BAZ2A: variants seen among roughly 807,000 people sequenced by gnomAD.
The protein encoded by BAZ2A is bromodomain adjacent to zinc finger domain protein 2A.
A neutral mutation model predicts 199.9 loss-of-function variants in BAZ2A; 34 were observed. That is an observed-to-expected ratio of 0.17 (90% CI 0.13 to 0.23). BAZ2A has a LOEUF of 0.23. BAZ2A is among the 10% of genes least tolerant of loss of function. The probability of loss-of-function intolerance (pLI) is 1.00; values close to 1 mark genes in which losing one functional copy is unlikely to be tolerated. For missense variants in BAZ2A, 2,002 were observed against 2,391.1 expected, an observed-to-expected ratio of 0.84 and a Z score of 3.39; for synonymous variants, 857 against 883.9, an observed-to-expected ratio of 0.97 and a Z score of 0.54.
In BAZ2A at chr12:56,611,834, A is replaced by G. The variant is rs760370936; in HGVS notation, c.1548T>C (p.Phe516=). Reference sequence around the variant, plus strand: ...CTTCCACGTCAGCAGTGGTTTCTAGAAAGCTGCTGACATCCTTATTTGCTG... The same window carrying G: ...CTTCCACGTCAGCAGTGGTTTCTAGGAAGCTGCTGACATCCTTATTTGCTG... ...ASPANKDVSS[F]LETTADVEEI... Residue 516 remains phenylalanine (F), a synonymous_variant, in exon 6 of 29, where the codon TTT becomes TTC. Coordinates refer to ENST00000549884, the MANE Select transcript of BAZ2A (RefSeq NM_001300905.2). 1.9e-6 allele frequency: 3 copies of G among 1,583,508 alleles called. No individual in the cohort carries two copies. The African/African-American group carries it at 4.1e-5, about 22-fold the overall frequency.
chr12:56,598,836 A>G, intron 28 of BAZ2A, 32 bp downstream of exon 28: 1 of 1,608,552 alleles, frequency 6.2e-7, no homozygotes, highest in South Asian at 1.1e-5. Flanking sequence ...CAGCAGTAGC[A>G]AAGACCGGGC....
chr12:56,625,154 C>CTTTTTT (rs1002458672), intron 1 of BAZ2A, among the ~76,000 whole-genome samples: 1 of 108,108 alleles, frequency 9.3e-6, no homozygotes, highest in Non-Finnish European at 1.8e-5. Flanking sequence ...CTTAGAATTT[C>CTTTTTT]TTTTTTTTTT....
At position 56,598,854 on chromosome 12, in the gene BAZ2A, C is replaced by T. The variant is rs746735554; in HGVS notation, c.5546+14G>A. ...CAGTAGCAAAGACCGGGCGGTTCAC[C>T]CACATCTACTTACCCTCCCCTGAGC... is the stretch of plus-strand genomic sequence containing the variant. On this transcript the variant is annotated intron_variant, in intron 28 of 28. Transcript: ENST00000549884. The T allele has an allele frequency of 6.2e-7, 1 of 1,606,636 alleles. No individual in the cohort carries two copies. Among genetic ancestry groups the T allele is most frequent in the South Asian group, 1.1e-5 (1 of 89,970 alleles).
At chr12:56,633,466 G>A (rs117900339), upstream of BAZ2A, among the ~76,000 whole-genome samples, 24 of 152,284 alleles carry the variant, frequency 1.6e-4, no homozygotes, top group East Asian at 3.7e-3. Context: ...AGCTAGGGGC[G>A]CAGCTGGACT....
chr12:56,636,422 G>T, upstream of BAZ2A: 1 of 1,345,608 alleles, frequency 7.4e-7, no homozygotes, highest in Non-Finnish European at 9.7e-7. Context: ...TTCTCTGGGT[G>T]GAGAGAGGGA....
At position 56,614,116 on chromosome 12, in the gene BAZ2A, A is replaced by ATTG. The variant is rs746698144; in HGVS notation, c.750_752dup (p.Asn251dup). 2 of 1,613,920 alleles carry ATTG rather than the reference A, an allele frequency of 1.2e-6. No individual in the cohort carries two copies. The highest frequency in any genetic ancestry group is 4.5e-5 in the East Asian group (2 of 44,886). On this transcript the variant is annotated inframe_insertion, in exon 4 of 29. Transcript: ENST00000549884. ...ACGATTCCACAGAAGGGACAGAGCC[A>ATTG]TTGTAGCCACACATCTTCAGTTCTA... is the stretch of plus-strand genomic sequence containing the variant.
chr12:56,610,071 T>A (rs1013880090), intron 9 of BAZ2A, 43 bp downstream of exon 9: 3 of 1,607,338 alleles, frequency 1.9e-6, no homozygotes, highest in Non-Finnish European at 2.6e-6. Flanking sequence ...GTCCACCAAC[T>A]CTTCCTCAGG....
chr12:56,605,385 G>C, intron 13 of BAZ2A, 58 bp from the exon 14 acceptor site: 2 of 1,485,974 alleles, frequency 1.3e-6, no homozygotes, highest in Non-Finnish European at 1.8e-6. Flanking sequence ...ATGACAATTT[G>C]CATGTCTACA....
At position 56,611,955 on chromosome 12, in the gene BAZ2A, G is replaced by A. The variant is rs775207042; in HGVS notation, c.1427C>T (p.Pro476Leu). ...VVSPASSAVL[P>L]AVSLEVPLTA... The stretch of plus-strand genomic sequence containing the variant: ...CAACGGGACTTCTAAGGAGACTGCT[G>A]GGAGGACTGCTGAGGAAGCTGGAGA... Residue 476 changes from proline to leucine, a missense_variant, in exon 6 of 29, where the codon CCA becomes CTA. Around this residue, in one of 6 missense-constraint regions of BAZ2A, gnomAD observed 641 missense variants for 694.5 expected, o/e 0.92. Coordinates refer to ENST00000549884, the MANE Select transcript of BAZ2A (RefSeq NM_001300905.2). The A allele has an allele frequency of 2.5e-6, 4 of 1,613,102 alleles. No homozygotes were observed. Among genetic ancestry groups the A allele is most frequent in the Non-Finnish European group, 2.5e-6 (3 of 1,179,608 alleles).
chr12:56,599,783 AC>A lies in BAZ2A; in HGVS notation c.5090del (p.Arg1697LeufsTer53). Reference protein sequence around the residue: ...EFLLLCDGCDRGCHIYCHRPK... With the variant: ...EFLLLCDGCDXGCHIYCHRPK... ...GACGATGGCAGTAAATGTGGCAGCC[AC>A]GGTCACACCCATCACAAAGCAGAAG... is the stretch of plus-strand genomic sequence containing the variant. On this transcript the variant is annotated frameshift_variant, in exon 26 of 29. Coordinates refer to ENST00000549884, the MANE Select transcript of BAZ2A (RefSeq NM_001300905.2). LOFTEE classifies it high-confidence loss of function. 6.2e-7 allele frequency: 1 copy of A among 1,614,006 alleles called. No individual in the cohort carries two copies. Among genetic ancestry groups the A allele is most frequent in the Non-Finnish European group, 8.5e-7 (1 of 1,179,878 alleles).
At chr12:56,599,930 C>A in intron 25 of BAZ2A, 34 bp downstream of exon 25, 1 of 1,613,008 alleles carries the variant, frequency 6.2e-7, no homozygotes, top group Non-Finnish European at 8.5e-7. Context: ...GCTGGCTGGC[C>A]CCTCAGCCTC....
chr12:56,601,572 G>A lies in BAZ2A; in HGVS notation c.4045C>T (p.Pro1349Ser), dbSNP rs774798264. 7.4e-5 allele frequency: 120 copies of A among 1,613,356 alleles called. 1 individual carries two copies. The highest frequency in any genetic ancestry group is 9.2e-5 in the Non-Finnish European group (108 of 1,179,860). The change falls in exon 20 of 29, where the codon CCT becomes TCT. Residue 1349 changes from proline to serine, a missense_variant. This residue lies in a region of BAZ2A where 1,081 missense variants were observed against 1,274.7 expected (regional missense o/e 0.85). Transcript: ENST00000549884. Reference sequence around the variant, plus strand: ...GGCTTGGAGGAGGCAAGCTGCTGAGGGGAGGGAGTGGGTTGGTCCTCAGAA... The same window carrying A: ...GGCTTGGAGGAGGCAAGCTGCTGAGAGGAGGGAGTGGGTTGGTCCTCAGAA... ...AVSEDQPTPS[P>S]QQLASSKPMN...
At position 56,601,349 on chromosome 12, in the gene BAZ2A, C is replaced by T. The variant is rs1886458859; in HGVS notation, c.4125G>A (p.Thr1375=). ...TCTTAGGGGCCAACCCAGCCAAGGG[C>T]GTGGAAGAGAACTGCACTGGAGAAC... The part of the protein sequence containing the change: ...NPCSPVQFSS[T]PLAGLAPKRR... Residue 1375 remains threonine, a synonymous_variant, in exon 21 of 29, where the codon ACG becomes ACA. Transcript: ENST00000549884. The T allele has an allele frequency of 1.2e-6, 2 of 1,613,852 alleles. No homozygotes were observed. The highest frequency in any genetic ancestry group is 2.2e-5 in the East Asian group (1 of 44,892).
At chr12:56,622,403 G>C (rs189443023) in intron 1 of BAZ2A, among the ~76,000 whole-genome samples, 1 of 151,972 alleles carries the variant, frequency 6.6e-6, no homozygotes, top group African/African-American at 2.4e-5. Flanking sequence ...TTAAAACTAG[G>C]GATGATCCAG....
chr12:56,606,143 C>T (rs1056243959), intron 12 of BAZ2A, 80 bp from the exon 13 acceptor site: 1 of 1,565,622 alleles, frequency 6.4e-7, no homozygotes. Flanking sequence ...CTCCCAACCT[C>T]ACAGCCCAGA....
rs564104432 is a variant in BAZ2A, at chr12:56,600,931, G to C, written c.4450+12C>G. The C allele has an allele frequency of 1.5e-4, 247 of 1,613,610 alleles. No individual in the cohort carries two copies. The South Asian group carries it at 1.7e-3, about 11-fold the overall frequency. On this transcript the variant is annotated intron_variant, in intron 22 of 28. Coordinates refer to ENST00000549884, the MANE Select transcript of BAZ2A (RefSeq NM_001300905.2). The stretch of plus-strand genomic sequence containing the variant: ...GCTCTTCAGCTCAAGCTGGGTGTAG[G>C]AATGTATTTACCAGCTGAGGGCCGC...
intron 1 of BAZ2A, among the ~76,000 whole-genome samples, chr12:56,625,784 G>A (rs1020564977): frequency 4.7e-5 from 7 of 149,136 alleles, no homozygotes; most frequent in East Asian, 4.0e-4. Flanking sequence ...GCTGAGGCAG[G>A]AGAATGGCGT....
intron 8 of BAZ2A, 47 bp downstream of exon 8, chr12:56,610,362 A>C: frequency 6.3e-7 from 1 of 1,585,436 alleles, no homozygotes; most frequent in Non-Finnish European, 8.7e-7. Context: ...AGTGGAAAGG[A>C]GTCCACTGAG....
At chr12:56,628,245 A>G (rs915944348) in intron 1 of BAZ2A, among the ~76,000 whole-genome samples, 1 of 151,804 alleles carries the variant, frequency 6.6e-6, no homozygotes, top group African/African-American at 2.4e-5. Context: ...AAAGAAAAAT[A>G]AAATTCTGTG....
Sources: allele counts gnomAD v4.1 joint callset (sites outside exome capture counted in the v4.1 genomes callset), GRCh38; gene constraint gnomAD v4.1.1; regional missense constraint gnomAD v4.1.1; transcripts MANE v1.5; gene names NCBI Gene and HGNC (gene_info 2026-07-23, HGNC 2026-07-21).